PNLDC1: variants seen among roughly 807,000 people sequenced by gnomAD.
PNLDC1 encodes PARN like ribonuclease domain containing exonuclease 1.
In PNLDC1, 70 loss-of-function variants were observed where a neutral mutation model predicts 82.0. That is an observed-to-expected ratio of 0.85 (90% CI 0.70 to 1.04). The LOEUF (loss-of-function observed/expected upper bound fraction) is 1.04. Ranked by LOEUF, PNLDC1 falls within the 50% of genes least tolerant of loss-of-function variation. PNLDC1 has a pLI of 0.00. For synonymous variants in PNLDC1, 280 were observed against 249.3 expected (o/e 1.12, Z -1.16); for missense variants, 631 against 661.1 (o/e 0.95, Z 0.50).
rs1276311555 is a variant in PNLDC1 at position 159,820,321 on chromosome 6, T to C, written c.1533-133T>C. 1.1e-5 allele frequency: 9 copies of C among 821,952 alleles called. No homozygotes were observed. In the South Asian group the frequency reaches 1.3e-4, roughly 11 times the overall value. The allele number at this position is 821,952 out of a possible 1,614,324, so 50.9% of individuals were successfully genotyped here. The stretch of plus-strand genomic sequence containing the variant: ...AACCTCGAGAGGCAGAAGTTCAGTG[T>C]TGTCGTCGGGAGAGTGACAGCAAGA... On this transcript the variant is annotated intron_variant, in intron 18 of 18. Coordinates refer to ENST00000392167, the MANE Select transcript of PNLDC1 (RefSeq NM_001271862.2).
At position 159,804,864 on chromosome 6, in the gene PNLDC1, A is replaced by C. The variant is rs1444067050; in HGVS notation, c.461+227A>C. 2.6e-5 allele frequency among the ~76,000 whole-genome samples: 4 copies of C among 152,204 alleles called. No individual in the cohort carries two copies. The East Asian group carries it at 7.7e-4, about 29-fold the overall frequency. On this transcript the variant is annotated intron_variant, in intron 6 of 18. Coordinates refer to ENST00000392167, the MANE Select transcript of PNLDC1 (RefSeq NM_001271862.2). ...CCCTAATGAACCTCTCACTGCGTTG[A>C]GTGTGAGTTTCAGTGTTTAAAAAGA...
intron 5 of PNLDC1, 112 bp from the exon 6 acceptor site, chr6:159,804,437 G>A: frequency 1.3e-6 from 1 of 753,018 alleles, no homozygotes. Flanking sequence ...AGACGAACTG[G>A]CTTATACAGC....
In PNLDC1 at chr6:159,818,597, C is replaced by T. The variant is rs146349877; in HGVS notation, c.1200C>T (p.Asp400=). The change falls in exon 16 of 19, where the codon GAC becomes GAT. Residue 400 remains aspartate, a synonymous_variant. Coordinates refer to ENST00000392167, the MANE Select transcript of PNLDC1 (RefSeq NM_001271862.2). The part of the protein sequence containing the change: ...VPESSFPQYL[D]VLAPYVNQVN... ...AGTCATCCTTTCCTCAGTACCTTGA[C>T]GTGCTGGCTCCTTACGTGAACCAAG... 2.7e-5 allele frequency: 43 copies of T among 1,613,768 alleles called. No homozygotes were observed. The highest frequency in any genetic ancestry group is 1.6e-4 in the Middle Eastern group (1 of 6,084).
chr6:159,816,074 A>C, intron 13 of PNLDC1, 41 bp downstream of exon 13: 2 of 1,388,294 alleles, frequency 1.4e-6, no homozygotes, highest in Non-Finnish European at 1.9e-6. Flanking sequence ...CAGTCGGCAG[A>C]GTGCTGAGGT....
chr6:159,812,290 C>G (rs1389164303), intron 11 of PNLDC1, among the ~76,000 whole-genome samples: 1 of 152,150 alleles, frequency 6.6e-6, no homozygotes, highest in Non-Finnish European at 1.5e-5. Flanking sequence ...ACCTGTGCAT[C>G]ATTGTATTAG....
Position 159,820,536 on chromosome 6 carries a change from C to CG in PNLDC1, c.*21dup. 1 of 1,612,608 alleles carries CG rather than the reference C, an allele frequency of 6.2e-7. No homozygotes were observed. On this transcript the variant is annotated 3_prime_UTR_variant, in exon 19 of 19. Transcript: ENST00000392167. ...TACCTGAGTGCAGCGAGGCCTCCTGCGGCCACCCTCGGGTCCCCATGCTCT... is the reference window on the plus strand; with the variant it reads ...TACCTGAGTGCAGCGAGGCCTCCTGCGGGCCACCCTCGGGTCCCCATGCTCT...
chr6:159,806,955 C>T (rs922149229), intron 7 of PNLDC1, among the ~76,000 whole-genome samples: 6 of 147,050 alleles, frequency 4.1e-5, no homozygotes, highest in Non-Finnish European at 7.4e-5. Context: ...TGCAATGGCA[C>T]GATTTCAGCT....
chr6:159,818,528 C>A, intron 15 of PNLDC1, 27 bp from the exon 16 acceptor site: 1 of 1,601,238 alleles, frequency 6.2e-7, no homozygotes, highest in Non-Finnish European at 8.6e-7. Context: ...GTGCGCCCGA[C>A]AGCTTTGGGG....
intron 15 of PNLDC1, among the ~76,000 whole-genome samples, chr6:159,818,234 G>A (rs1265899245): frequency 6.6e-6 from 1 of 152,198 alleles, no homozygotes; most frequent in African/African-American, 2.4e-5. Context: ...AGGGGGGACA[G>A]CATGGGGCTT....
At chr6:159,800,616 C>T (rs1781206990) in intron 1 of PNLDC1, 156 bp from the exon 2 acceptor site, 5 of 1,583,582 alleles carry the variant, frequency 3.2e-6, no homozygotes, top group Non-Finnish European at 4.3e-6. Context: ...CCTGGCTGCT[C>T]CTTGCCTTGG....
At chr6:159,817,229 C>T (rs759140239) in intron 15 of PNLDC1, 78 bp downstream of exon 15, 18 of 1,286,074 alleles carry the variant, frequency 1.4e-5, no homozygotes, top group Non-Finnish European at 1.8e-5. Context: ...GCCAACACCT[C>T]TCCAGTCCCA....
intron 6 of PNLDC1, 56 bp from the exon 7 acceptor site, chr6:159,805,927 T>G: frequency 7.9e-7 from 1 of 1,272,198 alleles, no homozygotes; most frequent in East Asian, 2.3e-5. Flanking sequence ...TAACATAGTC[T>G]TGCGGTTCTG....
chr6:159,817,004 C>A, intron 14 of PNLDC1, 105 bp from the exon 15 acceptor site: 1 of 1,228,824 alleles, frequency 8.1e-7, no homozygotes, highest in Admixed American at 1.7e-5. Context: ...CCTGCCGTCC[C>A]TAGATTCTAC....
intron 4 of PNLDC1, 137 bp downstream of exon 4, chr6:159,803,447 C>G: frequency 5.4e-6 from 4 of 734,686 alleles, no homozygotes; most frequent in Non-Finnish European, 9.3e-6. Context: ...TGTTCCTCCA[C>G]TCACTCTGCC....
chr6:159,816,983 G>T, intron 14 of PNLDC1, 126 bp from the exon 15 acceptor site: 1 of 982,182 alleles, frequency 1.0e-6, no homozygotes, highest in South Asian at 1.4e-5. Context: ...ACTTTTTGTT[G>T]GCAGTATGCC....
chr6:159,807,251 A>AAC (rs1562499195), intron 7 of PNLDC1, among the ~76,000 whole-genome samples: 2 of 152,194 alleles, frequency 1.3e-5, no homozygotes, highest in African/African-American at 2.4e-5. Context: ...TGAAGGTTTC[A>AAC]CAATCATTTT....
At position 159,819,853 on chromosome 6, in the gene PNLDC1, G is replaced by A. The variant is rs1156772518; in HGVS notation, c.1532+501G>A. 6.6e-6 allele frequency among the ~76,000 whole-genome samples: 1 copy of A among 152,120 alleles called. No homozygotes were observed. The highest frequency in any genetic ancestry group is 2.4e-5 in the African/African-American group (1 of 41,422). On this transcript the variant is annotated intron_variant, in intron 18 of 18. Coordinates refer to ENST00000392167, the MANE Select transcript of PNLDC1 (RefSeq NM_001271862.2). The surrounding 1 kb of genome is among the most constrained non-coding windows in gnomAD (Gnocchi z 4.6). ...TTGTGAGCAAAACAGCAAGGAGGGG[G>A]ATGCAGGAGAAGGAACCAGTGCCCC...
chr6:159,803,344 T>A, intron 4 of PNLDC1, 34 bp downstream of exon 4: 1 of 1,587,396 alleles, frequency 6.3e-7, no homozygotes, highest in East Asian at 2.2e-5. Context: ...ACATAGGTGC[T>A]TCCCACCTAT....
chr6:159,818,045 C>G (rs1373725314), intron 15 of PNLDC1, among the ~76,000 whole-genome samples: 1 of 152,174 alleles, frequency 6.6e-6, no homozygotes, highest in East Asian at 1.9e-4. Flanking sequence ...TGTCACACAT[C>G]TTTTATTTCT....
Sources: gnomAD v4.1 joint callset for allele counts (sites outside exome capture counted in the v4.1 genomes callset) on GRCh38, gnomAD v4.1.1 for gene constraint, Gnocchi (gnomAD v3.1) non-coding constraint, MANE v1.5 for transcripts, NCBI Gene and HGNC (gene_info 2026-07-23, HGNC 2026-07-21) for gene names.